LARP4B: variants seen among roughly 807,000 people sequenced by gnomAD.
The protein encoded by LARP4B is La ribonucleoprotein 4B, also known as la-related protein 4B.
Under a neutral mutation model 89.8 loss-of-function variants are expected in LARP4B, and 12 were observed. The observed-to-expected ratio is 0.13, with a 90% confidence interval of 0.09 to 0.22. The LOEUF (loss-of-function observed/expected upper bound fraction) is 0.22, where lower values mean the gene tolerates loss of function less well. LARP4B is among the 10% of genes least tolerant of loss of function. The pLI is 1.00. For missense variants in LARP4B, 757 were observed against 947.7 expected (o/e 0.80, Z 2.64); for synonymous variants, 367 against 363.3 (o/e 1.01, Z -0.12).
At chr10:905,148 T>C (rs562949897) in intron 1 of LARP4B, among the ~76,000 whole-genome samples, 3 of 152,304 alleles carry the variant, frequency 2.0e-5, no homozygotes, top group East Asian at 3.9e-4. Flanking sequence ...CCTCAAGCAT[T>C]TCAAATAAGG....
At chr10:825,444 G>T in intron 12 of LARP4B, 128 bp from the exon 13 acceptor site, 1 of 917,452 alleles carries the variant, frequency 1.1e-6, no homozygotes, top group Non-Finnish European at 1.6e-6. Flanking sequence ...AATAGGATTT[G>T]GAATGGTTAA....
chr10:885,610 A>C lies in LARP4B; in HGVS notation c.81+31T>G, dbSNP rs762535085. 10 of 1,555,720 alleles carry C rather than the reference A, an allele frequency of 6.4e-6. No individual in the cohort carries two copies. In the African/African-American group the frequency reaches 1.4e-4, roughly 21 times the overall value. ...AGTCCTTTATCAAAAAAAGCAATGG[A>C]CTCCCCACCACCCCATTCGACAGCA... On this transcript the variant is annotated intron_variant, in intron 2 of 17. Coordinates refer to ENST00000316157, the MANE Select transcript of LARP4B (RefSeq NM_015155.3).
upstream of LARP4B, among the ~76,000 whole-genome samples, chr10:932,081 C>T (rs1297816496): frequency 2.6e-5 from 4 of 151,486 alleles, no homozygotes; most frequent in Admixed American, 6.6e-5. Flanking sequence ...TGGTCCTCCG[C>T]CACCGCGTGC....
intron 1 of LARP4B, among the ~76,000 whole-genome samples, chr10:914,319 G>T (rs995630532): frequency 9.9e-5 from 15 of 152,142 alleles, no homozygotes; most frequent in African/African-American, 3.6e-4. Flanking sequence ...AAGTTGAAAA[G>T]AGACTAATTG....
intron 1 of LARP4B, among the ~76,000 whole-genome samples, chr10:926,712 C>T (rs1318369265): frequency 6.6e-6 from 1 of 152,214 alleles, no homozygotes; most frequent in Admixed American, 6.5e-5. Context: ...TCATACTCCC[C>T]CTAAAAAACT....
rs74115585 is a variant in LARP4B, at chr10:812,669, G to A, written c.*257C>T. 1.5e-3 allele frequency: 513 copies of A among 341,796 alleles called. 5 individuals carry two copies. The highest frequency in any genetic ancestry group is 9.9e-3 in the African/African-American group (470 of 47,358). 21.2% of individuals were successfully genotyped at this position (341,796 alleles called of 1,614,324 possible). ...TTAGGATAAATGCTTTTTCTATCTTGGAAAAAAAAATCAGACTTATGCATC... is the reference window on the plus strand; with the variant it reads ...TTAGGATAAATGCTTTTTCTATCTTAGAAAAAAAAATCAGACTTATGCATC... On this transcript the variant is annotated 3_prime_UTR_variant, in exon 18 of 18. Coordinates refer to ENST00000316157, the MANE Select transcript of LARP4B (RefSeq NM_015155.3).
At chr10:817,078 G>T (rs998969921) in intron 15 of LARP4B, among the ~76,000 whole-genome samples, 3 of 152,214 alleles carry the variant, frequency 2.0e-5, no homozygotes, top group African/African-American at 7.2e-5. Context: ...ATGCACAGTA[G>T]GTAACTGGGC....
intron 3 of LARP4B, among the ~76,000 whole-genome samples, chr10:867,301 T>G (rs1834950898): frequency 6.6e-6 from 1 of 152,182 alleles, no homozygotes; most frequent in East Asian, 1.9e-4. Context: ...AGAACAAGTC[T>G]TGGAGGTCGT....
At chr10:984,687 C>A in the LARP4B span, among the ~76,000 whole-genome samples, 1 of 152,138 alleles carries the variant, frequency 6.6e-6, no homozygotes, top group South Asian at 2.1e-4. Context: ...AAGTGCAATC[C>A]ATCATGTACC....
the LARP4B span, among the ~76,000 whole-genome samples, chr10:951,855 G>T: frequency 6.7e-6 from 1 of 149,810 alleles, no homozygotes; most frequent in Non-Finnish European, 1.5e-5. Context: ...AATCGCAGCA[G>T]CCCAGAACCA....
the LARP4B span, among the ~76,000 whole-genome samples, chr10:966,667 A>T: frequency 6.6e-6 from 1 of 152,220 alleles, no homozygotes; most frequent in Non-Finnish European, 1.5e-5. Flanking sequence ...GGCAGGCCTG[A>T]AATAAAAGGC....
At chr10:954,619 G>T in the LARP4B span, among the ~76,000 whole-genome samples, 1 of 152,172 alleles carries the variant, frequency 6.6e-6, no homozygotes, top group East Asian at 1.9e-4. This position sits in a 1 kb window ranked among gnomAD's most constrained non-coding sequence, Gnocchi z 5.0. Context: ...AGAGGCCACA[G>T]AACCTAAATG....
At chr10:947,729 C>T in the LARP4B span, among the ~76,000 whole-genome samples, 1 of 152,158 alleles carries the variant, frequency 6.6e-6, no homozygotes, top group African/African-American at 2.4e-5. Flanking sequence ...TCAAGCAATT[C>T]TCCTGCCTCA....
At chr10:913,739 T>C (rs995841246) in intron 1 of LARP4B, among the ~76,000 whole-genome samples, 2 of 151,970 alleles carry the variant, frequency 1.3e-5, no homozygotes, top group African/African-American at 4.8e-5. Flanking sequence ...TGAAACCCCC[T>C]CTCTACCAAA....
upstream of LARP4B, among the ~76,000 whole-genome samples, chr10:934,143 C>G (rs1390632048): frequency 6.6e-6 from 1 of 151,764 alleles, no homozygotes; most frequent in Non-Finnish European, 1.5e-5. Context: ...GTAGGTTAAA[C>G]TTCAATCTTT....
chr10:848,666 C>T (rs1447452617), intron 5 of LARP4B, among the ~76,000 whole-genome samples: 4 of 151,756 alleles, frequency 2.6e-5, no homozygotes, highest in Non-Finnish European at 5.9e-5. Context: ...ACAGCAGACT[C>T]GGGAACCTGA....
the LARP4B span, among the ~76,000 whole-genome samples, chr10:974,883 C>G: frequency 6.6e-6 from 1 of 152,240 alleles, no homozygotes. Context: ...GCCTCCCACT[C>G]TGCCATTCAA....
intron 1 of LARP4B, among the ~76,000 whole-genome samples, chr10:922,521 C>G (rs553667512): frequency 6.6e-6 from 1 of 151,910 alleles, no homozygotes; most frequent in South Asian, 2.1e-4. Context: ...TGAGGCCAGC[C>G]TGGGTGACAT....
At chr10:844,861 A>C in intron 6 of LARP4B, 116 bp downstream of exon 6, 4 of 642,706 alleles carry the variant, frequency 6.2e-6, no homozygotes, top group South Asian at 2.5e-5. Context: ...GTCTTCATAT[A>C]CATATATATG....
Sources: allele counts gnomAD v4.1 joint callset (sites outside exome capture counted in the v4.1 genomes callset), GRCh38; gene constraint gnomAD v4.1.1; non-coding constraint Gnocchi (gnomAD v3.1); transcripts MANE v1.5; gene names NCBI Gene and HGNC (gene_info 2026-07-23, HGNC 2026-07-21).